The following ZNF787 variants were observed in gnomAD, a reference collection of about 807,000 sequenced individuals.
The protein encoded by ZNF787 is zinc finger protein 787.
Under a neutral mutation model 16.9 loss-of-function variants are expected in ZNF787, and 7 were observed. That is an observed-to-expected ratio of 0.42 (90% CI 0.24 to 0.78). ZNF787 has a LOEUF of 0.78. ZNF787 is among the 30% of genes least tolerant of loss of function. The probability of loss-of-function intolerance (pLI) is 0.30; values close to 1 mark genes in which losing one functional copy is unlikely to be tolerated. For missense variants in ZNF787, 551 were observed against 589.3 expected (o/e 0.94, Z 0.67); for synonymous variants, 345 against 270.9 (o/e 1.27, Z -2.69).
chr19:56,109,620 G>A (rs1029204313), intron 1 of ZNF787, among the ~76,000 whole-genome samples: 3 of 152,196 alleles, frequency 2.0e-5, no homozygotes, highest in Admixed American at 6.5e-5. Context: ...GTGGCCGTGC[G>A]CAGCGGCTCA....
intron 1 of ZNF787, among the ~76,000 whole-genome samples, chr19:56,112,445 G>A (rs187520184): frequency 9.1e-4 from 139 of 152,200 alleles, no homozygotes; most frequent in Non-Finnish European, 1.5e-3. Context: ...GCCCTTGAGA[G>A]ATCCAATTAG....
intron 1 of ZNF787, among the ~76,000 whole-genome samples, chr19:56,111,244 T>C (rs1403775485): frequency 6.6e-6 from 1 of 151,946 alleles, no homozygotes; most frequent in Non-Finnish European, 1.5e-5. Flanking sequence ...GCTGAGCACC[T>C]GGAATGGCGC....
intron 2 of ZNF787, among the ~76,000 whole-genome samples, chr19:56,090,023 C>A (rs1182077596): frequency 6.6e-6 from 1 of 152,168 alleles, no homozygotes; most frequent in Non-Finnish European, 1.5e-5. Flanking sequence ...ATCTCTGACC[C>A]CCGTGGACAC....
Position 56,088,007 on chromosome 19 carries a change from C to CCCGGGCCCCT in ZNF787, c.*15_*16insAGGGGCCCGG. On this transcript the variant is annotated 3_prime_UTR_variant, in exon 3 of 3. Coordinates refer to ENST00000610935, the MANE Select transcript of ZNF787 (RefSeq NM_001002836.4). This position sits in a 1 kb window ranked among gnomAD's most constrained non-coding sequence, Gnocchi z 8.6. ...GCCCGAGGGGCCCTGCCCGCCCCCCCCCCCGGGCCCCTCCCCTACCGGCCC... is the reference window on the plus strand; with the variant it reads ...GCCCGAGGGGCCCTGCCCGCCCCCCCCCGGGCCCCTCCCCGGGCCCCTCCCCTACCGGCCC... 1 of 1,203,272 alleles carries CCCGGGCCCCT rather than the reference C, an allele frequency of 8.3e-7. No homozygotes were observed. Among genetic ancestry groups the CCCGGGCCCCT allele is most frequent in the Non-Finnish European group, 1.0e-6 (1 of 966,230 alleles). The allele number at this position is 1,203,272 out of a possible 1,614,324, so 74.5% of individuals were successfully genotyped here.
In ZNF787 at chr19:56,088,164, C is replaced by T. The variant is rs934891973; in HGVS notation, c.1008G>A (p.Lys336=). Reference sequence around the variant, plus strand: ...AGGGCGCGCCCACCGCGTGGATCTTCTTGTGTCTCCGGAGCGCGGCGCCCT... The same window carrying T: ...AGGGCGCGCCCACCGCGTGGATCTTTTTGTGTCTCCGGAGCGCGGCGCCCT... ...FVQGAALRRH[K]KIHAVGAPSV... is the part of the protein sequence containing the mutation. The change falls in exon 3 of 3, where the codon AAG becomes AAA. Residue 336 remains lysine, a synonymous_variant. Transcript: ENST00000610935. This position sits in a 1 kb window ranked among gnomAD's most constrained non-coding sequence, Gnocchi z 8.6. The T allele has an allele frequency of 7.7e-6, 12 of 1,554,278 alleles. No individual in the cohort carries two copies. Among genetic ancestry groups the T allele is most frequent in the Non-Finnish European group, 1.0e-5 (12 of 1,155,374 alleles).
intron 2 of ZNF787, among the ~76,000 whole-genome samples, chr19:56,091,897 G>A (rs1239207040): frequency 5.7e-5 from 2 of 34,964 alleles, no homozygotes; most frequent in Non-Finnish European, 1.3e-4. Flanking sequence ...CGCTCCACTT[G>A]CCGCAGCCGC....
chr19:56,112,429 G>A (rs1243651325), intron 1 of ZNF787, among the ~76,000 whole-genome samples: 1 of 152,006 alleles, frequency 6.6e-6, no homozygotes, highest in Non-Finnish European at 1.5e-5. Context: ...CGTTCCCCTC[G>A]CCCCAGCCCT....
chr19:56,112,597 G>A (rs1489894383), intron 1 of ZNF787, among the ~76,000 whole-genome samples: 5 of 134,044 alleles, frequency 3.7e-5, no homozygotes, highest in Non-Finnish European at 4.7e-5. Flanking sequence ...CTGGCCCTCC[G>A]TGGCCCTCCC....
intron 1 of ZNF787, among the ~76,000 whole-genome samples, chr19:56,117,146 C>T (rs1213078058): frequency 6.6e-6 from 1 of 152,192 alleles, no homozygotes; most frequent in African/African-American, 2.4e-5. Context: ...AGTGCTCACC[C>T]AAAAGCCGTG....
chr19:56,087,644 G>T lies in ZNF787; in HGVS notation c.*379C>A. ...TCTCTGGGATCCTCTAAAGGGCCTG[G>T]TTTCTCCATTCCTCGCAGCACCCCC... On this transcript the variant is annotated 3_prime_UTR_variant, in exon 3 of 3. Transcript: ENST00000610935. 5.7e-6 allele frequency: 1 copy of T among 176,784 alleles called. No homozygotes were observed. The allele number at this position is 176,784 out of a possible 1,614,324, so 11.0% of individuals were successfully genotyped here. A position where few individuals can be genotyped will look rare whatever the true frequency, so the allele number is the denominator to read the frequency against.
chr19:56,088,328 ACAC>A lies in ZNF787; in HGVS notation c.841_843del (p.Val281del). On this transcript the variant is annotated inframe_deletion, in exon 3 of 3. Coordinates refer to ENST00000610935, the MANE Select transcript of ZNF787 (RefSeq NM_001002836.4). This position sits in a 1 kb window ranked among gnomAD's most constrained non-coding sequence, Gnocchi z 8.6. ...CCGAAGCCCTTCCCGCACTCCAGAC[ACAC>A]GTACGGCTTGGGGGCCGGGGCGCGC... is the stretch of plus-strand genomic sequence containing the variant. 8.0e-7 allele frequency: 1 copy of A among 1,251,682 alleles called. No homozygotes were observed. Among genetic ancestry groups the A allele is most frequent in the Non-Finnish European group, 1.0e-6 (1 of 994,310 alleles). 77.5% of individuals were successfully genotyped at this position (1,251,682 alleles called of 1,614,324 possible). A position where few individuals can be genotyped will look rare whatever the true frequency, so the allele number is the denominator to read the frequency against.
chr19:56,103,333 G>T, intron 1 of ZNF787, 106 bp from the exon 2 acceptor site: 3 of 987,430 alleles, frequency 3.0e-6, no homozygotes, highest in Admixed American at 3.0e-5. Flanking sequence ...CAGGCACAGC[G>T]CCCGGCAGAC....
intron 2 of ZNF787, among the ~76,000 whole-genome samples, chr19:56,096,889 T>C (rs1985894671): frequency 6.6e-6 from 1 of 152,156 alleles, no homozygotes; most frequent in Admixed American, 6.5e-5. Context: ...TTTATTTCGT[T>C]ATCTGAACAG....
chr19:56,098,054 A>T (rs373715101), intron 2 of ZNF787, among the ~76,000 whole-genome samples: 10 of 150,946 alleles, frequency 6.6e-5, no homozygotes, highest in Middle Eastern at 3.4e-3. Context: ...GTCTCCAGGG[A>T]CACTGAGGCA....
chr19:56,092,001 GAAGCCA>G (rs1568523521), intron 2 of ZNF787, among the ~76,000 whole-genome samples: 3 of 147,738 alleles, frequency 2.0e-5, no homozygotes, highest in Admixed American at 6.8e-5. Flanking sequence ...AAGCCAAACG[GAAGCCA>G]AAGCCGAAAC....
intron 2 of ZNF787, among the ~76,000 whole-genome samples, chr19:56,096,530 T>C (rs965270737): frequency 6.6e-6 from 1 of 151,026 alleles, no homozygotes; most frequent in Non-Finnish European, 1.5e-5. Context: ...CTGACCAACA[T>C]GGTGAAACCC....
intron 2 of ZNF787, among the ~76,000 whole-genome samples, chr19:56,091,947 C>CGAAACCGAAACCGAAGCCGAAACCG (rs57458138): frequency 2.0e-5 from 3 of 149,334 alleles, no homozygotes; most frequent in Non-Finnish European, 4.5e-5. Context: ...AAGCCAAAGC[C>CGAAACCGAAACCGAAGCCGAAACCG]AAAGCCGAAA....
Position 56,087,861 on chromosome 19 carries a change from G to GA in ZNF787, c.*161_*162insT. 3.5e-6 allele frequency: 4 copies of GA among 1,151,742 alleles called. No individual in the cohort carries two copies. The highest frequency in any genetic ancestry group is 3.3e-6 in the Non-Finnish European group (3 of 909,094). The allele number at this position is 1,151,742 out of a possible 1,614,324, so 71.3% of individuals were successfully genotyped here. ...TGAACGGGCCCTAATACGCCCCAGT[G>GA]CCCCCCCACGGACGGCGCAGGGACA... On this transcript the variant is annotated 3_prime_UTR_variant, in exon 3 of 3. Transcript: ENST00000610935.
chr19:56,094,552 T>C (rs111929053), intron 2 of ZNF787, among the ~76,000 whole-genome samples: 3,686 of 152,080 alleles, frequency 0.024, 146 homozygotes, highest in African/African-American at 0.084. Flanking sequence ...TATTCTTGAG[T>C]TCCTTCTACA....
Sources: allele counts gnomAD v4.1 joint callset (sites outside exome capture counted in the v4.1 genomes callset), GRCh38; gene constraint gnomAD v4.1.1; non-coding constraint Gnocchi (gnomAD v3.1); transcripts MANE v1.5; gene names NCBI Gene and HGNC (gene_info 2026-07-23, HGNC 2026-07-21).